DOCK10: variants seen among roughly 807,000 people sequenced by gnomAD.
DOCK10 encodes dedicator of cytokinesis protein 10.
A neutral mutation model predicts 280.1 loss-of-function variants in DOCK10; 145 were observed. The ratio of observed to expected loss-of-function variants is 0.52; its 90% CI spans 0.45 to 0.59. The LOEUF (loss-of-function observed/expected upper bound fraction) is 0.59. Ranked by LOEUF, DOCK10 falls within the 20% of genes least tolerant of loss-of-function variation. DOCK10 has a pLI of 0.00. For synonymous variants in DOCK10, 915 were observed against 942.2 expected (o/e 0.97, Z 0.53); for missense variants, 2,368 against 2,651.7 (o/e 0.89, Z 2.35).
chr2:224,867,464 C>A (rs1370265755), intron 11 of DOCK10, among the ~76,000 whole-genome samples: 2 of 152,220 alleles, frequency 1.3e-5, no homozygotes, highest in African/African-American at 2.4e-5. Context: ...GGTGCTCACC[C>A]AAATCCATGC....
chr2:224,901,091 T>C (rs1052596946), intron 3 of DOCK10, among the ~76,000 whole-genome samples: 2 of 152,214 alleles, frequency 1.3e-5, no homozygotes, highest in African/African-American at 4.8e-5. Context: ...TACATAGTTA[T>C]GGCATTTTGG....
intron 1 of DOCK10, among the ~76,000 whole-genome samples, chr2:224,957,290 C>CCCCA (rs1553622528): frequency 1.4e-5 from 2 of 146,602 alleles, no homozygotes; most frequent in African/African-American, 5.2e-5. Flanking sequence ...TTTCCGCCCC[C>CCCCA]CCCCGGCTTT....
At chr2:224,957,002 G>A (rs1403461007) in intron 1 of DOCK10, among the ~76,000 whole-genome samples, 1 of 152,168 alleles carries the variant, frequency 6.6e-6, no homozygotes, top group African/African-American at 2.4e-5. Flanking sequence ...ATGTCCCTCA[G>A]GTATTGTCTA....
chr2:224,954,457 T>A (rs1703932040), intron 1 of DOCK10, among the ~76,000 whole-genome samples: 1 of 152,174 alleles, frequency 6.6e-6, no homozygotes, highest in Non-Finnish European at 1.5e-5. Flanking sequence ...CTTTTTGAAG[T>A]TTTTGATTTT....
chr2:224,956,897 A>G (rs764021919), intron 1 of DOCK10, among the ~76,000 whole-genome samples: 31 of 152,308 alleles, frequency 2.0e-4, no homozygotes, highest in Non-Finnish European at 3.5e-4. Context: ...ATCACACCGC[A>G]TGTTTAGGAA....
intron 2 of DOCK10, among the ~76,000 whole-genome samples, chr2:224,924,942 G>A (rs969947576): frequency 6.6e-6 from 1 of 152,126 alleles, no homozygotes; most frequent in Non-Finnish European, 1.5e-5. Context: ...TGTCCTTCCA[G>A]TTGCTCTATT....
At chr2:224,928,898 G>A (rs1161956457) in intron 2 of DOCK10, among the ~76,000 whole-genome samples, 1 of 152,102 alleles carries the variant, frequency 6.6e-6, no homozygotes, top group South Asian at 2.1e-4. Flanking sequence ...CCTGTGACTT[G>A]CCCTTGCCTA....
intron 13 of DOCK10, 135 bp from the exon 14 acceptor site, chr2:224,862,881 C>T: frequency 2.0e-6 from 1 of 489,998 alleles, no homozygotes; most frequent in Non-Finnish European, 3.4e-6. Flanking sequence ...CCCCTATTAC[C>T]TTATAAAGAG....
intron 1 of DOCK10, among the ~76,000 whole-genome samples, chr2:224,988,902 G>A (rs972257402): frequency 2.6e-5 from 4 of 152,188 alleles, no homozygotes; most frequent in Non-Finnish European, 4.4e-5. Flanking sequence ...ATACAGAAAC[G>A]TAATGGGCTC....
At chr2:224,864,521 G>A in intron 13 of DOCK10, 32 bp downstream of exon 13, 1 of 1,509,762 alleles carries the variant, frequency 6.6e-7, no homozygotes, top group Middle Eastern at 1.7e-4. Context: ...AAAAAAAAAG[G>A]AAGTGAAGTT....
chr2:224,956,125 A>G (rs559100795), intron 1 of DOCK10, among the ~76,000 whole-genome samples: 1 of 152,358 alleles, frequency 6.6e-6, no homozygotes, highest in African/African-American at 2.4e-5. Flanking sequence ...AAGGTGAAGC[A>G]GGATTTCTTC....
chr2:224,811,905 G>A (rs1158648035), intron 31 of DOCK10, among the ~76,000 whole-genome samples: 1 of 152,104 alleles, frequency 6.6e-6, no homozygotes, highest in Non-Finnish European at 1.5e-5. Context: ...AGTATAGTTT[G>A]AAGTCAGGTA....
intron 1 of DOCK10, among the ~76,000 whole-genome samples, chr2:224,976,278 A>C (rs1232933344): frequency 6.6e-6 from 1 of 152,108 alleles, no homozygotes; most frequent in Non-Finnish European, 1.5e-5. Context: ...AAAAACACTT[A>C]ATGCATGCAG....
Position 224,770,265 on chromosome 2 carries a change from C to T in DOCK10, c.6390G>A (p.Leu2130=). ...KEDQLEYQEE[L]RSHYKDMLSE... ...TGAGCATGTCCTTGTAGTGGGACCT[C>T]AGTTCTTCCTGGTACTCCAGCTGGT... is the stretch of plus-strand genomic sequence containing the variant. The change falls in exon 55 of 56, where the codon CTG becomes CTA. Residue 2130 remains leucine (L), a synonymous_variant. Transcript: ENST00000258390. This position sits in a 1 kb window ranked among gnomAD's most constrained non-coding sequence, Gnocchi z 4.5. The T allele has an allele frequency of 6.2e-7, 1 of 1,605,102 alleles. No homozygotes were observed. Among genetic ancestry groups the T allele is most frequent in the Non-Finnish European group, 8.5e-7 (1 of 1,175,816 alleles).
chr2:224,973,384 A>G (rs1705205318), intron 1 of DOCK10, among the ~76,000 whole-genome samples: 1 of 152,196 alleles, frequency 6.6e-6, no homozygotes, highest in Non-Finnish European at 1.5e-5. Flanking sequence ...GGTGGGGCCA[A>G]TGTAATCACA....
chr2:225,000,869 G>A (rs143611690), intron 1 of DOCK10, among the ~76,000 whole-genome samples: 25 of 152,168 alleles, frequency 1.6e-4, no homozygotes, highest in African/African-American at 5.3e-4. Context: ...CCAGCTACTC[G>A]GGAGGCTGAG....
At chr2:224,810,756 T>C (rs1369827204) in intron 31 of DOCK10, among the ~76,000 whole-genome samples, 2 of 151,534 alleles carry the variant, frequency 1.3e-5, no homozygotes, top group African/African-American at 2.4e-5. Context: ...GTCCTTGCGA[T>C]AGTTTGCTGA....
At chr2:224,929,396 T>C (rs1306153199) in intron 2 of DOCK10, among the ~76,000 whole-genome samples, 2 of 152,140 alleles carry the variant, frequency 1.3e-5, no homozygotes, top group African/African-American at 4.8e-5. Flanking sequence ...TGGGGTGTGT[T>C]ATAGAATAGT....
chr2:224,898,908 A>C (rs1700141676), intron 3 of DOCK10, among the ~76,000 whole-genome samples: 1 of 152,194 alleles, frequency 6.6e-6, no homozygotes, highest in South Asian at 2.1e-4. Flanking sequence ...CTTTGCTGAA[A>C]TGTTTTATCT....
Sources: allele counts gnomAD v4.1 joint callset (sites outside exome capture counted in the v4.1 genomes callset), GRCh38; gene constraint gnomAD v4.1.1; non-coding constraint Gnocchi (gnomAD v3.1); transcripts MANE v1.5; gene names NCBI Gene and HGNC (gene_info 2026-07-23, HGNC 2026-07-21).